The following DENND5B variants were observed in gnomAD, a reference collection of about 807,000 sequenced individuals.
DENND5B encodes DENN domain containing 5B, also known as DENN domain-containing protein 5B.
Under a neutral mutation model 140.6 loss-of-function variants are expected in DENND5B, and 34 were observed. The observed-to-expected ratio is 0.24, with a 90% confidence interval of 0.18 to 0.32. The LOEUF is 0.32. Among genes scored for constraint, DENND5B ranks in the 10% least tolerant of loss-of-function variants. The pLI, the probability that DENND5B is intolerant of heterozygous loss-of-function variation, is 1.00. For synonymous variants in DENND5B, 551 were observed against 562.1 expected, an observed-to-expected ratio of 0.98 and a Z score of 0.28; for missense variants, 1,142 against 1,560.2, an observed-to-expected ratio of 0.73 and a Z score of 4.52.
intron 1 of DENND5B, among the ~76,000 whole-genome samples, chr12:31,514,400 A>G (rs1947543845): frequency 6.6e-6 from 1 of 152,220 alleles, no homozygotes; most frequent in Non-Finnish European, 1.5e-5. Context: ...AGAATAAACG[A>G]ATAATTATGA....
intron 1 of DENND5B, among the ~76,000 whole-genome samples, chr12:31,552,218 ATTATT>A (rs1296397554): frequency 2.0e-5 from 3 of 152,246 alleles, no homozygotes; most frequent in Admixed American, 6.5e-5. Flanking sequence ...GATAGCTCTT[ATTATT>A]TTGAGATACG....
rs530672838 is a variant in DENND5B, at chr12:31,553,387, T to G, written c.127+37319A>C. Among the ~76,000 whole-genome samples, 53 of 152,350 alleles carry G rather than the reference T, an allele frequency of 3.5e-4. No homozygotes were observed. In the South Asian group the frequency reaches 6.0e-3, roughly 17 times the overall value. ...GTTGAGTGTTTTTGAGTGAGTCTCT[T>G]AATCCTGAGTCCTAGTTTGATTGCA... On this transcript the variant is annotated intron_variant, in intron 1 of 20. Coordinates refer to ENST00000389082, the MANE Select transcript of DENND5B (RefSeq NM_144973.4).
chr12:31,387,839 C>T (rs192925039), intron 20 of DENND5B, 53 bp from the exon 21 acceptor site: 1 of 1,561,638 alleles, frequency 6.4e-7, no homozygotes, highest in Non-Finnish European at 8.7e-7. Context: ...CGCTGCAGAA[C>T]AAGGCACACA....
chr12:31,510,061 A>G (rs906793958), intron 1 of DENND5B, among the ~76,000 whole-genome samples: 5 of 152,120 alleles, frequency 3.3e-5, no homozygotes, highest in East Asian at 1.9e-4. Flanking sequence ...TTTAAGTACG[A>G]TATCTTATGG....
In DENND5B at chr12:31,447,703, T is replaced by A. The variant is rs770609336; in HGVS notation, c.1696A>T (p.Met566Leu). 6.2e-7 allele frequency: 1 copy of A among 1,612,336 alleles called. No homozygotes were observed. Among genetic ancestry groups the A allele is most frequent in the South Asian group, 1.1e-5 (1 of 90,626 alleles). The part of the protein sequence containing the change: ...PFLSRFIETQ[M>L]FATFIDNKIM... ...TTATTATCAATAAAGGTGGCAAACA[T>A]CTGTGTTTCAATGAAGCGTGAAAGA... Residue 566 changes from methionine to leucine, a missense_variant, in exon 6 of 21, where the codon ATG (methionine) becomes TTG (leucine). Physicochemically the swap from Met to Leu is conservative, Grantham distance 15. This residue lies in a region of DENND5B where 708 missense variants were observed against 905.5 expected (regional missense o/e 0.78). Coordinates refer to ENST00000389082, the MANE Select transcript of DENND5B (RefSeq NM_144973.4).
At chr12:31,409,734 C>G (rs1942345348) in intron 13 of DENND5B, among the ~76,000 whole-genome samples, 1 of 152,152 alleles carries the variant, frequency 6.6e-6, no homozygotes. Context: ...CTGCCTCGGC[C>G]TCCCAAAGTG....
intron 1 of DENND5B, among the ~76,000 whole-genome samples, chr12:31,514,185 A>G (rs182211497): frequency 4.2e-4 from 64 of 152,282 alleles, no homozygotes; most frequent in Non-Finnish European, 1.5e-5. Flanking sequence ...ATATTCAGAA[A>G]TAGGGGAAAG....
intron 1 of DENND5B, among the ~76,000 whole-genome samples, chr12:31,581,693 CAAA>C (rs139320385): frequency 8.4e-6 from 1 of 119,076 alleles, no homozygotes. Flanking sequence ...AACTCTGTCT[CAAA>C]AAAAAAAAAA....
At position 31,415,369 on chromosome 12, in the gene DENND5B, C is replaced by T. The variant is rs763803906; in HGVS notation, c.2550G>A (p.Met850Ile). Reference protein sequence around the residue: ...PTLRVSLIQDMRHIQNMSEIK... With the variant: ...PTLRVSLIQDIRHIQNMSEIK... The stretch of plus-strand genomic sequence containing the variant: ...ACACATGTATTAATAACAAATACCT[C>T]ATGTCCTGAATAAGAGAGACCCTGA... The change falls in exon 12 of 21, where the codon ATG (methionine) becomes ATA (isoleucine). Residue 850 changes from methionine to isoleucine, a missense_variant and splice_region_variant. Met to Ile is a conservative substitution (Grantham distance 10, BLOSUM62 1). Coordinates refer to ENST00000389082, the MANE Select transcript of DENND5B (RefSeq NM_144973.4). The T allele has an allele frequency of 3.2e-5, 51 of 1,605,650 alleles. No homozygotes were observed. Among genetic ancestry groups the T allele is most frequent in the Non-Finnish European group, 4.3e-5 (51 of 1,175,854 alleles).
At chr12:31,534,949 C>T (rs930715847) in intron 1 of DENND5B, 1 of 283,640 alleles carries the variant, frequency 3.5e-6, no homozygotes, top group Non-Finnish European at 6.8e-6. Flanking sequence ...CGGCGTGTGC[C>T]TGTAGTCCCA....
At chr12:31,494,506 T>A (rs941060402) in intron 2 of DENND5B, among the ~76,000 whole-genome samples, 5 of 152,204 alleles carry the variant, frequency 3.3e-5, no homozygotes, top group African/African-American at 1.2e-4. Flanking sequence ...CAACTTTCCA[T>A]GCCCAAGTAG....
chr12:31,499,482 A>C (rs1946921534), intron 1 of DENND5B: 2 of 658,266 alleles, frequency 3.0e-6, no homozygotes, highest in Non-Finnish European at 4.4e-6. Context: ...GAGAAGAGAA[A>C]CATAAAATAA....
chr12:31,477,081 A>G (rs890409656), intron 3 of DENND5B, among the ~76,000 whole-genome samples: 1 of 151,914 alleles, frequency 6.6e-6, no homozygotes, highest in Admixed American at 6.6e-5. Context: ...TACAAAAATC[A>G]GCTGGGTGTG....
At chr12:31,404,446 G>A (rs745606989) in intron 14 of DENND5B, among the ~76,000 whole-genome samples, 4 of 151,998 alleles carry the variant, frequency 2.6e-5, no homozygotes, top group Admixed American at 6.6e-5. Flanking sequence ...ACAGGTGCAC[G>A]CTACCACACC....
intron 1 of DENND5B, among the ~76,000 whole-genome samples, chr12:31,586,932 A>G (rs966105574): frequency 1.3e-5 from 2 of 152,212 alleles, no homozygotes; most frequent in Non-Finnish European, 2.9e-5. Flanking sequence ...TGCCTAACAC[A>G]GTTTCATGAT....
At chr12:31,536,386 A>G (rs575082467) in intron 1 of DENND5B, among the ~76,000 whole-genome samples, 1 of 152,264 alleles carries the variant, frequency 6.6e-6, no homozygotes, top group East Asian at 1.9e-4. Flanking sequence ...AATAATTAAA[A>G]AAGAACTACG....
At chr12:31,543,393 A>G (rs1442550110) in intron 1 of DENND5B, among the ~76,000 whole-genome samples, 2 of 152,206 alleles carry the variant, frequency 1.3e-5, no homozygotes, top group African/African-American at 4.8e-5. Context: ...CTTTTTATAA[A>G]AGTAATTTAT....
At chr12:31,443,959 G>C (rs1320920352) in intron 6 of DENND5B, 1 of 152,212 alleles carries the variant, frequency 6.6e-6, no homozygotes, top group African/African-American at 2.4e-5. Flanking sequence ...AAACCACTAA[G>C]AGTCAGGGAT....
At chr12:31,495,451 T>C (rs1194464007) in intron 2 of DENND5B, among the ~76,000 whole-genome samples, 1 of 150,116 alleles carries the variant, frequency 6.7e-6, no homozygotes, top group Non-Finnish European at 1.5e-5. Flanking sequence ...TGATCACGGC[T>C]CACCACAACC....
Sources: allele counts gnomAD v4.1 joint callset (sites outside exome capture counted in the v4.1 genomes callset), GRCh38; gene constraint gnomAD v4.1.1; regional missense constraint gnomAD v4.1.1; transcripts MANE v1.5; gene names NCBI Gene and HGNC (gene_info 2026-07-23, HGNC 2026-07-21).